KCTD1: variants seen among roughly 807,000 people sequenced by gnomAD.
KCTD1 encodes the protein potassium channel tetramerization domain containing 1, also known as BTB/POZ domain-containing protein KCTD1.
In KCTD1, 24 loss-of-function variants were observed where a neutral mutation model predicts 66.0. The ratio of observed to expected loss-of-function variants is 0.36; its 90% CI spans 0.26 to 0.51. KCTD1 has a LOEUF of 0.51. KCTD1 is among the 20% of genes least tolerant of loss of function. The probability of loss-of-function intolerance (pLI) is 0.95; values close to 1 mark genes in which losing one functional copy is unlikely to be tolerated. For synonymous variants in KCTD1, 511 were observed against 517.2 expected, an observed-to-expected ratio of 0.99 and a Z score of 0.16; for missense variants, 943 against 1,205.2, an observed-to-expected ratio of 0.78 and a Z score of 3.22.
At chr18:26,579,362 G>T (rs1320835954) in intron 1 of KCTD1, among the ~76,000 whole-genome samples, 2 of 152,148 alleles carry the variant, frequency 1.3e-5, no homozygotes, top group African/African-American at 2.4e-5. Flanking sequence ...CATATTTGGT[G>T]ATTGGTTAAT....
chr18:26,540,689 T>C lies in KCTD1; in HGVS notation c.1809+6039A>G, dbSNP rs543368121. The stretch of plus-strand genomic sequence containing the variant: ...AATATATTTTCTCTGTCTTATGATT[T>C]TCTTGATAACATTTTCTTTTCTCTA... On this transcript the variant is annotated intron_variant, in intron 1 of 4. Transcript: ENST00000580059. 2.5e-4 allele frequency among the ~76,000 whole-genome samples: 38 copies of C among 152,330 alleles called. 1 individual carries two copies. Among genetic ancestry groups the C allele is most frequent in the African/African-American group, 9.1e-4 (38 of 41,570 alleles).
chr18:26,625,051 C>T (rs1987469417), intron 1 of KCTD1, among the ~76,000 whole-genome samples: 1 of 152,170 alleles, frequency 6.6e-6, no homozygotes, highest in Non-Finnish European at 1.5e-5. Flanking sequence ...TTTGTTTTGA[C>T]CAATTTCTCC....
intron 1 of KCTD1, among the ~76,000 whole-genome samples, chr18:26,591,198 T>C (rs1047950734): frequency 1.3e-5 from 2 of 152,112 alleles, no homozygotes; most frequent in African/African-American, 4.8e-5. Flanking sequence ...CTAATTATTA[T>C]TATTTTTTCC....
chr18:26,539,346 G>A (rs1984862940), intron 1 of KCTD1, among the ~76,000 whole-genome samples: 1 of 152,198 alleles, frequency 6.6e-6, no homozygotes, highest in Non-Finnish European at 1.5e-5. Context: ...TGCTCAAGAT[G>A]TTCAGAGCAC....
intron 1 of KCTD1, among the ~76,000 whole-genome samples, chr18:26,570,201 T>A (rs1372838850): frequency 7.1e-5 from 10 of 140,458 alleles, no homozygotes; most frequent in African/African-American, 2.5e-4. Context: ...AATATATATA[T>A]ATATATATAT....
chr18:26,487,522 T>C (rs1981979796), intron 2 of KCTD1, among the ~76,000 whole-genome samples: 1 of 152,254 alleles, frequency 6.6e-6, no homozygotes, highest in South Asian at 2.1e-4. Context: ...CGCAAGCTTA[T>C]TTAAATAGCC....
intron 1 of KCTD1, among the ~76,000 whole-genome samples, chr18:26,505,401 C>T (rs1297808605): frequency 6.6e-6 from 1 of 152,252 alleles, no homozygotes; most frequent in African/African-American, 2.4e-5. Context: ...AAGACTATTT[C>T]GATTTCTGCG....
intron 3 of KCTD1, among the ~76,000 whole-genome samples, chr18:26,471,947 G>A (rs7238149): frequency 0.019 from 2,944 of 152,202 alleles, 88 homozygotes; most frequent in African/African-American, 0.067. Context: ...GGATTGATTC[G>A]CGATGCGTCC....
intron 1 of KCTD1, among the ~76,000 whole-genome samples, chr18:26,590,538 TG>T (rs1406045938): frequency 1.3e-5 from 2 of 152,132 alleles, no homozygotes; most frequent in African/African-American, 4.8e-5. Context: ...TTAAAACGTA[TG>T]GTTGTTTTGT....
At chr18:26,471,423 C>T (rs1273605086) in intron 3 of KCTD1, among the ~76,000 whole-genome samples, 1 of 152,072 alleles carries the variant, frequency 6.6e-6, no homozygotes, top group African/African-American at 2.4e-5. Flanking sequence ...CCGAGTAAAA[C>T]TAACTTTAAT....
chr18:26,657,284 A>G (rs1988178098), intron 1 of KCTD1: 2 of 969,958 alleles, frequency 2.1e-6, no homozygotes, highest in African/African-American at 1.8e-5. Flanking sequence ...GCACATGCGT[A>G]AAAGCGAGTT....
intron 1 of KCTD1, among the ~76,000 whole-genome samples, chr18:26,602,078 G>A (rs1024396996): frequency 6.6e-6 from 1 of 152,000 alleles, no homozygotes; most frequent in African/African-American, 2.4e-5. Context: ...CTGACTTTAG[G>A]GGAAATGGCT....
At chr18:26,539,994 T>C (rs144311408) in intron 1 of KCTD1, among the ~76,000 whole-genome samples, 35 of 152,234 alleles carry the variant, frequency 2.3e-4, no homozygotes, top group African/African-American at 8.2e-4. Flanking sequence ...AAAATATAGA[T>C]AGTGTACTTA....
chr18:26,631,746 A>G (rs2848993), upstream of KCTD1, among the ~76,000 whole-genome samples: 80,142 of 152,028 alleles, frequency 0.53, 21,459 homozygotes, highest in East Asian at 0.67. Context: ...TAAATGCACT[A>G]CAACTTTAAA....
intron 1 of KCTD1, among the ~76,000 whole-genome samples, chr18:26,638,382 C>A (rs1016977367): frequency 6.6e-6 from 1 of 152,010 alleles, no homozygotes; most frequent in Admixed American, 6.5e-5. Context: ...AAAACTATTC[C>A]AGGCCTAAGC....
intron 1 of KCTD1, among the ~76,000 whole-genome samples, chr18:26,602,727 T>C (rs1037968009): frequency 6.6e-6 from 1 of 152,208 alleles, no homozygotes; most frequent in Admixed American, 6.5e-5. Flanking sequence ...TTCTTCCTCC[T>C]GGGTTAATAA....
At chr18:26,527,623 C>T (rs1027087325) in intron 1 of KCTD1, among the ~76,000 whole-genome samples, 2 of 152,016 alleles carry the variant, frequency 1.3e-5, no homozygotes, top group African/African-American at 4.8e-5. Context: ...AAATGTACAA[C>T]ACTAAGATGA....
intron 2 of KCTD1, among the ~76,000 whole-genome samples, chr18:26,487,847 C>T (rs1023443416): frequency 7.9e-5 from 12 of 152,130 alleles, no homozygotes; most frequent in African/African-American, 2.2e-4. Context: ...AGAACCAAGC[C>T]CTAACCTGAA....
intron 1 of KCTD1, among the ~76,000 whole-genome samples, chr18:26,569,449 C>T (rs1986052652): frequency 6.6e-6 from 1 of 152,282 alleles, no homozygotes; most frequent in African/African-American, 2.4e-5. Context: ...TGACAACTCA[C>T]AGCTCAAATG....
Sources: gnomAD v4.1 joint callset for allele counts (sites outside exome capture counted in the v4.1 genomes callset) on GRCh38, gnomAD v4.1.1 for gene constraint, MANE v1.5 for transcripts, NCBI Gene and HGNC (gene_info 2026-07-23, HGNC 2026-07-21) for gene names.